The following CLDN2 variants were observed in gnomAD, a reference collection of about 807,000 sequenced individuals.
The protein encoded by CLDN2 is claudin 2, also known as claudin-2.
In CLDN2, 1 loss-of-function variant was observed where a neutral mutation model predicts 8.2. The observed-to-expected ratio is 0.12, with a 90% CI of 0.04 to 0.58. The LOEUF is 0.58. Ranked by LOEUF, CLDN2 falls within the 20% of genes least tolerant of loss-of-function variation. The pLI is 0.90. For missense variants in CLDN2, 108 were observed against 172.9 expected (o/e 0.62, Z 2.11); for synonymous variants, 70 against 70.2 (o/e 1.00, Z 0.01).
chrX:106,902,131 C>T (rs748914074), intron 1 of CLDN2: 12 of 1,188,054 alleles, frequency 1.0e-5, no homozygotes, highest in Non-Finnish European at 1.2e-5. Context: ...CACAAGGGCT[C>T]GAACTCACCA....
At chrX:106,926,252 T>C (rs1400274190) in intron 1 of CLDN2, among the ~76,000 whole-genome samples, 1 of 111,347 alleles carries the variant, frequency 9.0e-6, no homozygotes, top group Non-Finnish European at 1.9e-5. Context: ...GAAAGCTGCA[T>C]GGGGGATGTG....
chrX:106,926,117 T>C (rs754301999), intron 1 of CLDN2, among the ~76,000 whole-genome samples: 17 of 112,070 alleles, frequency 1.5e-4, no homozygotes, highest in South Asian at 1.1e-3. Flanking sequence ...ATAGGGACTA[T>C]AGGATGCAGG....
At chrX:106,903,293 G>A (rs992310080) in intron 1 of CLDN2, 4 of 1,190,914 alleles carry the variant, frequency 3.4e-6, no homozygotes, top group Non-Finnish European at 4.5e-6. Flanking sequence ...TCCATTCTTA[G>A]GGGACCAAAG....
chrX:106,901,864 C>T (rs1933103737), intron 1 of CLDN2, among the ~76,000 whole-genome samples: 1 of 111,623 alleles, frequency 9.0e-6, no homozygotes, highest in South Asian at 3.8e-4. Flanking sequence ...AGTAAGGTGC[C>T]AGGAGACGAG....
rs1933499801 is a variant in CLDN2, at chrX:106,928,413, C to T, written c.185C>T (p.Thr62Ile). 1 of 1,212,033 alleles carries T rather than the reference C, an allele frequency of 8.3e-7. No homozygotes were observed. Among genetic ancestry groups the T allele is most frequent in the Non-Finnish European group, 1.1e-6 (1 of 895,494 alleles). Residue 62 changes from threonine to isoleucine, a missense_variant, in exon 2 of 2, where the codon ACC becomes ATC. This residue lies in a region of CLDN2 where 27 missense variants were observed against 72.2 expected (regional missense o/e 0.37). Coordinates refer to ENST00000336803, the MANE Select transcript of CLDN2 (RefSeq NM_020384.4). ...TGTGCCACACACAGCACAGGCATCACCCAGTGTGACATCTATAGCACCCTT... is the reference window on the plus strand; with the variant it reads ...TGTGCCACACACAGCACAGGCATCATCCAGTGTGACATCTATAGCACCCTT... ...MECATHSTGI[T>I]QCDIYSTLLG...
upstream of CLDN2, among the ~76,000 whole-genome samples, chrX:106,914,354 AAC>A (rs1372716928): frequency 5.4e-5 from 6 of 111,294 alleles, no homozygotes; most frequent in Non-Finnish European, 1.1e-4. Context: ...TCTCATCAGA[AAC>A]ACTCCCAAAA....
rs1933188775 is a variant in CLDN2 at position 106,907,011 on chromosome X, C to T, written c.-179+6507C>T. Among the ~76,000 whole-genome samples the T allele has an allele frequency of 6.3e-5, 7 of 111,729 alleles. No individual in the cohort carries two copies. In the Admixed American group the frequency reaches 6.7e-4, roughly 11 times the overall value. On this transcript the variant is annotated intron_variant, in intron 1 of 1. Transcript: ENST00000541806. ...GTCTACATGCTAGACTTCCGCTTTT[C>T]CTGGCTCCCATTCACACCTCAACCA... is the stretch of plus-strand genomic sequence containing the variant.
At position 106,900,916 on chromosome X, in the gene CLDN2, C is replaced by G. The variant is rs764404441; in HGVS notation, c.-179+412C>G. The G allele has an allele frequency of 3.7e-5, 45 of 1,205,107 alleles. No individual in the cohort carries two copies. In the Admixed American group the frequency reaches 6.2e-4, roughly 17 times the overall value. ...GATTTAGGCCAGAAGAGCCTGTGGACAGAGAAGAAACATGGCCCCTAACAG... is the reference window on the plus strand; with the variant it reads ...GATTTAGGCCAGAAGAGCCTGTGGAGAGAGAAGAAACATGGCCCCTAACAG... On this transcript the variant is annotated intron_variant, in intron 1 of 1. Coordinates refer to the CLDN2 transcript ENST00000541806.
intron 1 of CLDN2, among the ~76,000 whole-genome samples, chrX:106,910,517 G>T (rs753299869): frequency 9.1e-6 from 1 of 109,385 alleles, no homozygotes; most frequent in African/African-American, 3.3e-5. Flanking sequence ...AGACCCTCCC[G>T]GTCAACATGG....
upstream of CLDN2, among the ~76,000 whole-genome samples, chrX:106,915,403 A>C (rs1933299757): frequency 8.9e-6 from 1 of 112,142 alleles, no homozygotes; most frequent in Non-Finnish European, 1.9e-5. Flanking sequence ...AATTTTTTAA[A>C]ATGAGGGAGA....
At chrX:106,914,094 AGGCACACACCACCACGCCC>A (rs1933282724), upstream of CLDN2, among the ~76,000 whole-genome samples, 1 of 107,639 alleles carries the variant, frequency 9.3e-6, no homozygotes, top group Admixed American at 1.0e-4. Flanking sequence ...CTGGGATTAC[AGGCACACACCACCACGCCC>A]GGCTAATTTT....
At chrX:106,911,365 A>C (rs754317743) in intron 1 of CLDN2, among the ~76,000 whole-genome samples, 8 of 111,729 alleles carry the variant, frequency 7.2e-5, no homozygotes, top group Non-Finnish European at 1.5e-4. Flanking sequence ...AGTGATGGGA[A>C]TAAGAGGCAT....
intron 1 of CLDN2, among the ~76,000 whole-genome samples, chrX:106,927,631 A>G (rs1933487001): frequency 1.8e-5 from 2 of 112,232 alleles, no homozygotes; most frequent in Admixed American, 9.4e-5. Flanking sequence ...GAGATTCAAG[A>G]GGCCTCTAAC....
At chrX:106,908,633 G>A (rs768754868) in intron 1 of CLDN2, among the ~76,000 whole-genome samples, 2 of 103,200 alleles carry the variant, frequency 1.9e-5, no homozygotes, top group South Asian at 9.4e-4. Context: ...CTGTCGCCCA[G>A]GCTAGAATGC....
At chrX:106,923,044 C>T (rs781453758) in intron 1 of CLDN2, among the ~76,000 whole-genome samples, 2 of 106,084 alleles carry the variant, frequency 1.9e-5, no homozygotes, top group South Asian at 8.7e-4. Flanking sequence ...GGCACAATCT[C>T]GGCTCACTGC....
chrX:106,911,488 C>A (rs943765835), intron 1 of CLDN2, among the ~76,000 whole-genome samples: 8 of 111,222 alleles, frequency 7.2e-5, no homozygotes, highest in Non-Finnish European at 1.1e-4. Context: ...TCTCCACCCC[C>A]CAAACCCCTG....
At chrX:106,927,320 GC>G (rs1358258050) in intron 1 of CLDN2, among the ~76,000 whole-genome samples, 6 of 111,153 alleles carry the variant, frequency 5.4e-5, no homozygotes, top group Admixed American at 1.9e-4. Flanking sequence ...CTAACAGATG[GC>G]CCAGGGAATT....
Position 106,900,575 on chromosome X carries a change from TACTTCCGGCTA to T in CLDN2, c.-179+75_-179+85del. ...CAGAAAGCTCTATCTGCTGGACTAA[TACTTCCGGCTA>T]ACTGATGTCTGTGAAAACTTGCCAG... On this transcript the variant is annotated intron_variant, in intron 1 of 1. Coordinates refer to the CLDN2 transcript ENST00000541806. The T allele has an allele frequency of 6.8e-6, 6 of 878,857 alleles. No homozygotes were observed. In the South Asian group the frequency reaches 1.8e-4, roughly 27 times the overall value. 72.4% of individuals were successfully genotyped at this position (878,857 alleles called of 1,213,427 possible).
At chrX:106,902,650 A>G (rs1305255129) in intron 1 of CLDN2, among the ~76,000 whole-genome samples, 1 of 112,229 alleles carries the variant, frequency 8.9e-6, no homozygotes, top group Non-Finnish European at 1.9e-5. Context: ...GGGCTGAAGA[A>G]GAGGGCCAGA....
Sources: gnomAD v4.1 joint callset for allele counts (sites outside exome capture counted in the v4.1 genomes callset) on GRCh38, gnomAD v4.1.1 for gene constraint, gnomAD v4.1.1 regional missense constraint, MANE v1.5 for transcripts, NCBI Gene and HGNC (gene_info 2026-07-23, HGNC 2026-07-21) for gene names.